Variants in ROBO2 observed in about 807,000 individuals in gnomAD.
The protein encoded by ROBO2 is roundabout homolog 2.
A neutral mutation model predicts 160.8 loss-of-function variants in ROBO2; 53 were observed. The observed-to-expected ratio is 0.33, with a 90% CI of 0.26 to 0.41. The LOEUF (loss-of-function observed/expected upper bound fraction) is 0.41. Ranked by LOEUF, ROBO2 falls within the 10% of genes least tolerant of loss-of-function variation. The pLI, the probability that ROBO2 is intolerant of heterozygous loss-of-function variation, is 1.00. For synonymous variants in ROBO2, 664 were observed against 611.7 expected, an observed-to-expected ratio of 1.09 and a Z score of -1.26; for missense variants, 1,577 against 1,722.4, an observed-to-expected ratio of 0.92 and a Z score of 1.49.
At chr3:76,396,173 C>G (rs139771926) in intron 2 of ROBO2, among the ~76,000 whole-genome samples, 18,545 of 151,956 alleles carry the variant, frequency 0.12, 1,237 homozygotes, top group Non-Finnish European at 0.15. Flanking sequence ...TCAATATATG[C>G]AAATCAATAA....
intron 2 of ROBO2, among the ~76,000 whole-genome samples, chr3:76,284,081 A>G (rs191885789): frequency 2.0e-5 from 3 of 152,124 alleles, no homozygotes; most frequent in East Asian, 1.9e-4. Flanking sequence ...TCATATCCTT[A>G]TCCTTATTTT....
chr3:77,595,672 A>G (rs1202641172), intron 18 of ROBO2, among the ~76,000 whole-genome samples: 2 of 152,118 alleles, frequency 1.3e-5, no homozygotes, highest in African/African-American at 4.8e-5. Flanking sequence ...ATCCTCATCT[A>G]TTTTCCCTTT....
chr3:76,971,039 C>G (rs1376634725), intron 2 of ROBO2, among the ~76,000 whole-genome samples: 1 of 152,138 alleles, frequency 6.6e-6, no homozygotes, highest in African/African-American at 2.4e-5. Flanking sequence ...GATTCTTTAT[C>G]CATACTTTTC....
chr3:76,255,334 A>G (rs956462052), intron 2 of ROBO2, among the ~76,000 whole-genome samples: 2 of 152,042 alleles, frequency 1.3e-5, no homozygotes, highest in African/African-American at 2.4e-5. Context: ...AACTATGAAA[A>G]CTCATAGAGC....
At chr3:76,795,180 G>T (rs902387161) in intron 2 of ROBO2, among the ~76,000 whole-genome samples, 11 of 152,042 alleles carry the variant, frequency 7.2e-5, no homozygotes, top group African/African-American at 2.7e-4. Context: ...CTTTTCACTG[G>T]TTGAAGGTCT....
chr3:76,884,200 C>T (rs1162715648), intron 2 of ROBO2, among the ~76,000 whole-genome samples: 5 of 151,976 alleles, frequency 3.3e-5, no homozygotes, highest in South Asian at 2.1e-4. Flanking sequence ...GTTACAAATA[C>T]AAAATAAGTA....
intron 2 of ROBO2, among the ~76,000 whole-genome samples, chr3:76,176,076 G>T (rs2073219946): frequency 6.6e-6 from 1 of 151,764 alleles, no homozygotes; most frequent in Non-Finnish European, 1.5e-5. Flanking sequence ...TAAAATCCAT[G>T]TGTCCTTTGG....
At chr3:77,271,235 T>G (rs1249490951) in intron 2 of ROBO2, among the ~76,000 whole-genome samples, 1 of 152,184 alleles carries the variant, frequency 6.6e-6, no homozygotes, top group Non-Finnish European at 1.5e-5. Context: ...TTGAAGAACT[T>G]TCAGTGTAAG....
chr3:76,633,359 T>C (rs2090141561), intron 2 of ROBO2, among the ~76,000 whole-genome samples: 1 of 152,188 alleles, frequency 6.6e-6, no homozygotes, highest in Non-Finnish European at 1.5e-5. Context: ...CCCTGATATT[T>C]GTGAATGTAT....
intron 1 of ROBO2, among the ~76,000 whole-genome samples, chr3:75,908,216 A>C (rs541735721): frequency 4.2e-4 from 64 of 152,256 alleles, no homozygotes; most frequent in African/African-American, 1.4e-3. Context: ...TATTTACCAA[A>C]TTCTCTTTTA....
chr3:77,499,645 C>CT (rs2087267487), intron 5 of ROBO2, among the ~76,000 whole-genome samples: 1 of 148,350 alleles, frequency 6.7e-6, no homozygotes, highest in South Asian at 2.1e-4. Flanking sequence ...ATAAGTATCA[C>CT]TTACGCTTTT....
At chr3:77,615,849 G>A (rs1162000111) in intron 21 of ROBO2, among the ~76,000 whole-genome samples, 1 of 152,122 alleles carries the variant, frequency 6.6e-6, no homozygotes, top group African/African-American at 2.4e-5. Flanking sequence ...TAAATGGAAA[G>A]GCATTCAAGT....
In ROBO2 at chr3:76,043,620, CAAAAAAAAA is replaced by C. The variant is rs56988287; in HGVS notation, c.109+106036_109+106044del. ...ACACCCTAACCAATTCTTCATCGTC[CAAAAAAAAA>C]AAAAAAAAAAAAAAAAACCACACCA... is the stretch of plus-strand genomic sequence containing the variant. On this transcript the variant is annotated intron_variant, in intron 2 of 26. Coordinates refer to the ROBO2 transcript ENST00000487694. Among the ~76,000 whole-genome samples, 11 of 38,448 alleles carry C rather than the reference CAAAAAAAAA, an allele frequency of 2.9e-4. No individual in the cohort carries two copies. In the South Asian group the frequency reaches 6.1e-3, roughly 21 times the overall value. The allele number at this position is 38,448 out of a possible 152,430, so 25.2% of individuals were successfully genotyped here. A position where few individuals can be genotyped will look rare whatever the true frequency, so the allele number is the denominator to read the frequency against.
At chr3:76,312,435 T>C (rs2071654973) in intron 2 of ROBO2, among the ~76,000 whole-genome samples, 1 of 152,220 alleles carries the variant, frequency 6.6e-6, no homozygotes, top group African/African-American at 2.4e-5. Flanking sequence ...TTTCTGCTTC[T>C]CCTTTTGTTG....
chr3:77,568,286 G>T (rs758318018), intron 12 of ROBO2, 27 bp from the exon 14 acceptor site: 2 of 1,611,404 alleles, frequency 1.2e-6, no homozygotes, highest in Admixed American at 3.3e-5. Context: ...TTTTAAAGGT[G>T]GGAATGATTC....
At chr3:76,433,655 A>G (rs138785501) in intron 2 of ROBO2, among the ~76,000 whole-genome samples, 66 of 152,348 alleles carry the variant, frequency 4.3e-4, no homozygotes, top group African/African-American at 1.5e-3. Flanking sequence ...GAGTAAGAAG[A>G]TGACAGAACA....
intron 2 of ROBO2, among the ~76,000 whole-genome samples, chr3:76,197,692 C>G (rs1702327445): frequency 6.6e-6 from 1 of 152,146 alleles, no homozygotes; most frequent in Non-Finnish European, 1.5e-5. Context: ...TTACAGTTAT[C>G]TCTGTCCTAC....
chr3:76,611,605 C>A (rs113963703), intron 2 of ROBO2, among the ~76,000 whole-genome samples: 2,162 of 152,212 alleles, frequency 0.014, 43 homozygotes, highest in African/African-American at 0.047. Flanking sequence ...TCTGTAGTAT[C>A]AGTTGTAATG....
chr3:76,684,934 T>A (rs1278566784), intron 2 of ROBO2, among the ~76,000 whole-genome samples: 1 of 151,926 alleles, frequency 6.6e-6, no homozygotes, highest in Non-Finnish European at 1.5e-5. Flanking sequence ...CAGGCAAAAT[T>A]TTTGTATAGC....
Sources: allele counts gnomAD v4.1 joint callset (sites outside exome capture counted in the v4.1 genomes callset), GRCh38; gene constraint gnomAD v4.1.1; transcripts MANE v1.5; gene names NCBI Gene and HGNC (gene_info 2026-07-23, HGNC 2026-07-21).